The following SPICE1 variants were observed in gnomAD, a reference collection of about 807,000 sequenced individuals.
SPICE1 encodes the protein spindle and centriole associated protein 1, also known as spindle and centriole-associated protein 1.
Under a neutral mutation model 102.7 loss-of-function variants are expected in SPICE1, and 75 were observed. That is an observed-to-expected ratio of 0.73 (90% CI 0.61 to 0.88). The LOEUF is 0.88. SPICE1 is among the 40% of genes least tolerant of loss of function. The probability of loss-of-function intolerance (pLI) is 0.00; values close to 1 mark genes in which losing one functional copy is unlikely to be tolerated. For missense variants in SPICE1, 979 were observed against 1,020.1 expected (o/e 0.96, Z 0.55); for synonymous variants, 308 against 350.3 (o/e 0.88, Z 1.35).
At chr3:113,513,251 A>T (rs374571267) in intron 1 of SPICE1, among the ~76,000 whole-genome samples, 20 of 152,012 alleles carry the variant, frequency 1.3e-4, no homozygotes, top group Admixed American at 5.2e-4. Flanking sequence ...TAAAAAAAAA[A>T]TTTTTTTTAA....
At chr3:113,483,164 G>C (rs1936553453) in intron 7 of SPICE1, among the ~76,000 whole-genome samples, 1 of 152,110 alleles carries the variant, frequency 6.6e-6, no homozygotes, top group South Asian at 2.1e-4. Flanking sequence ...TCTCTTAGTA[G>C]CAATTGTGAA....
In SPICE1 at chr3:113,494,036, T is replaced by C; in HGVS notation, c.385+13A>G. 6.3e-7 allele frequency: 1 copy of C among 1,576,780 alleles called. No homozygotes were observed. Among genetic ancestry groups the C allele is most frequent in the Non-Finnish European group, 8.6e-7 (1 of 1,159,882 alleles). On this transcript the variant is annotated intron_variant, in intron 5 of 17. Coordinates refer to ENST00000295872, the MANE Select transcript of SPICE1 (RefSeq NM_144718.4). ...GTTAATAAAATAGAGAAGCTTTTGT[T>C]TGAATTGAATACCTGTGCGCCTACG...
intron 9 of SPICE1, 57 bp downstream of exon 9, chr3:113,468,705 G>C (rs1936122185): frequency 1.3e-6 from 2 of 1,545,726 alleles, no homozygotes; most frequent in Non-Finnish European, 1.8e-6. Context: ...AAGAGATTAA[G>C]ACAGCTGTAT....
At chr3:113,510,602 T>C (rs910771968) in intron 1 of SPICE1, among the ~76,000 whole-genome samples, 1 of 152,054 alleles carries the variant, frequency 6.6e-6, no homozygotes, top group East Asian at 1.9e-4. Flanking sequence ...CCTTACACCA[T>C]AGACAAAAAT....
intron 16 of SPICE1, 37 bp downstream of exon 16, chr3:113,448,000 AT>A (rs758964314): frequency 0.011 from 13,398 of 1,240,230 alleles, no homozygotes; most frequent in South Asian, 0.018. Flanking sequence ...ATTCTTTTTG[AT>A]TTTTTTTTTT....
At chr3:113,489,991 A>G (rs1207695891) in intron 6 of SPICE1, among the ~76,000 whole-genome samples, 1 of 150,872 alleles carries the variant, frequency 6.6e-6, no homozygotes, top group Non-Finnish European at 1.5e-5. Context: ...CTTTCCTTGT[A>G]TCTGATGATG....
At chr3:113,445,583 A>C (rs919213098) in intron 17 of SPICE1, among the ~76,000 whole-genome samples, 1 of 152,200 alleles carries the variant, frequency 6.6e-6, no homozygotes, top group African/African-American at 2.4e-5. Flanking sequence ...TAGGAGTCAT[A>C]ATTTTTTTAA....
intron 12 of SPICE1, 69 bp from the exon 13 acceptor site, chr3:113,457,426 A>C (rs1935804186): frequency 6.7e-7 from 1 of 1,486,846 alleles, no homozygotes; most frequent in African/African-American, 1.4e-5. Flanking sequence ...TCAGGTATTT[A>C]TTCTTAAATG....
intron 12 of SPICE1, chr3:113,460,401 C>A (rs768778179): frequency 1.1e-6 from 1 of 944,454 alleles, no homozygotes; most frequent in African/African-American, 1.8e-5. Flanking sequence ...TATTATGACA[C>A]GAATTGAAAT....
intron 11 of SPICE1, 63 bp downstream of exon 11, chr3:113,465,590 A>T: frequency 6.8e-7 from 1 of 1,461,926 alleles, no homozygotes; most frequent in East Asian, 2.3e-5. Context: ...AAGAGAATCC[A>T]GTACATGTTT....
At chr3:113,471,776 CA>C (rs937464960) in intron 7 of SPICE1, among the ~76,000 whole-genome samples, 199 of 150,040 alleles carry the variant, frequency 1.3e-3, no homozygotes, top group African/African-American at 4.5e-3. Flanking sequence ...CTTATTAAAA[CA>C]AAAAAAAAAT....
intron 1 of SPICE1, among the ~76,000 whole-genome samples, chr3:113,512,554 G>A (rs1432385916): frequency 1.3e-5 from 2 of 151,834 alleles, no homozygotes; most frequent in Non-Finnish European, 2.9e-5. Context: ...GATTACAGGC[G>A]CTTGCCACCA....
At chr3:113,495,529 C>T (rs1015688821) in intron 4 of SPICE1, among the ~76,000 whole-genome samples, 8 of 152,188 alleles carry the variant, frequency 5.3e-5, no homozygotes, top group Non-Finnish European at 1.2e-4. Flanking sequence ...GCACATCAGA[C>T]CCAGAAGACT....
At chr3:113,473,451 C>T (rs2107471021) in intron 7 of SPICE1, among the ~76,000 whole-genome samples, 1 of 152,250 alleles carries the variant, frequency 6.6e-6, no homozygotes, top group Admixed American at 6.5e-5. Flanking sequence ...CAAAGATACT[C>T]CTCGAGAAGA....
chr3:113,507,361 A>G (rs1418679383), intron 1 of SPICE1, among the ~76,000 whole-genome samples: 1 of 152,176 alleles, frequency 6.6e-6, no homozygotes, highest in East Asian at 1.9e-4. Context: ...TTAAAAAGCA[A>G]TACATATACA....
Position 113,459,959 on chromosome 3 carries a change from G to C in SPICE1, c.1435+658C>G. The C allele has an allele frequency of 3.0e-6, 3 of 984,314 alleles. No individual in the cohort carries two copies. In the South Asian group the frequency reaches 1.4e-4, roughly 46 times the overall value. 61.0% of individuals were successfully genotyped at this position (984,314 alleles called of 1,614,324 possible). On this transcript the variant is annotated intron_variant, in intron 12 of 17. Coordinates refer to ENST00000295872, the MANE Select transcript of SPICE1 (RefSeq NM_144718.4). ...GCCCTAGCCAATGAGTTTACCTCAT[G>C]CAAGTTAAATTTTGGTCAGCCACTT...
intron 2 of SPICE1, among the ~76,000 whole-genome samples, chr3:113,504,142 A>G (rs1937062985): frequency 6.6e-6 from 1 of 152,144 alleles, no homozygotes; most frequent in Non-Finnish European, 1.5e-5. Context: ...ATAAGTTACC[A>G]TTAATATCAG....
At chr3:113,477,791 TG>T (rs1559966934) in intron 7 of SPICE1, among the ~76,000 whole-genome samples, 1 of 32,708 alleles carries the variant, frequency 3.1e-5, no homozygotes. Context: ...TGTTGTGGGA[TG>T]GGGGGAGGGG....
At chr3:113,513,710 C>T (rs1193478049) in intron 1 of SPICE1, among the ~76,000 whole-genome samples, 1 of 152,182 alleles carries the variant, frequency 6.6e-6, no homozygotes, top group African/African-American at 2.4e-5. Flanking sequence ...ATCTCTCTTG[C>T]CCGCTCTTCT....
Sources: allele counts gnomAD v4.1 joint callset (sites outside exome capture counted in the v4.1 genomes callset), GRCh38; gene constraint gnomAD v4.1.1; transcripts MANE v1.5; gene names NCBI Gene and HGNC (gene_info 2026-07-23, HGNC 2026-07-21).